Variants in SVEP1 observed in about 807,000 individuals in gnomAD.
SVEP1 encodes sushi, von Willebrand factor type A, EGF and pentraxin domain-containing protein 1.
In SVEP1, 164 loss-of-function variants were observed where a neutral mutation model predicts 367.3. The observed-to-expected ratio is 0.45, with a 90% CI of 0.39 to 0.51. The LOEUF (loss-of-function observed/expected upper bound fraction) is 0.51. Among genes scored for constraint, SVEP1 ranks in the 20% least tolerant of loss-of-function variants. The pLI, the probability that SVEP1 is intolerant of heterozygous loss-of-function variation, is 0.00. For synonymous variants in SVEP1, 1,666 were observed against 1,611.6 expected (o/e 1.03, Z -0.81); for missense variants, 4,117 against 4,425.3 (o/e 0.93, Z 1.98).
chr9:110,451,057 TAC>T (rs1371562399), intron 23 of SVEP1, among the ~76,000 whole-genome samples: 1 of 152,118 alleles, frequency 6.6e-6, no homozygotes, highest in African/African-American at 2.4e-5. Flanking sequence ...ACACACCACA[TAC>T]ACAAATTATT....
chr9:110,400,739 A>G, intron 40 of SVEP1, 115 bp downstream of exon 40: 1 of 1,145,880 alleles, frequency 8.7e-7, no homozygotes, highest in Non-Finnish European at 1.2e-6. Context: ...GGAACAAAGT[A>G]TAATAGAATC....
intron 17 of SVEP1, among the ~76,000 whole-genome samples, chr9:110,467,808 G>T (rs1223350928): frequency 6.6e-6 from 1 of 151,824 alleles, no homozygotes. Flanking sequence ...GCTAATTTTT[G>T]TATTTTTTGT....
chr9:110,526,053 T>TTTAA, intron 3 of SVEP1, among the ~76,000 whole-genome samples: 1 of 152,244 alleles, frequency 6.6e-6, no homozygotes, highest in Middle Eastern at 3.4e-3. Flanking sequence ...ATATCATGGA[T>TTTAA]TTAAGTATAA....
Position 110,406,941 on chromosome 9 carries a change from C to T in SVEP1, c.8659G>A (p.Val2887Met). ...GGCGGGGTGGCACATCTGACAGGCA[C>T]ACAGTCGGGAGTGGCTCCACTCCAA... ...GSWSGATPDC[V>M]PVRCATPPQL... Residue 2887 changes from valine to methionine, a missense_variant, in exon 38 of 48, where the codon GTG becomes ATG. Physicochemically the swap from Val to Met is conservative, Grantham distance 21. Around this residue, in one of 4 missense-constraint regions of SVEP1, gnomAD observed 1,765 missense variants for 1,781.1 expected, o/e 0.99. Transcript: ENST00000374469. The T allele has an allele frequency of 6.2e-7, 1 of 1,613,830 alleles. No individual in the cohort carries two copies. Among genetic ancestry groups the T allele is most frequent in the East Asian group, 2.2e-5 (1 of 44,862 alleles).
chr9:110,451,266 T>A, intron 23 of SVEP1, 23 bp downstream of exon 23: 2 of 1,581,668 alleles, frequency 1.3e-6, no homozygotes, highest in Non-Finnish European at 1.7e-6. Flanking sequence ...TAAGACAACA[T>A]AGGAAGACTG....
chr9:110,525,128 C>T (rs187970530), intron 3 of SVEP1, among the ~76,000 whole-genome samples: 5 of 152,098 alleles, frequency 3.3e-5, no homozygotes, highest in East Asian at 1.9e-4. Context: ...TGAAATAAAA[C>T]GTATTCGGAT....
intron 3 of SVEP1, among the ~76,000 whole-genome samples, chr9:110,518,632 C>T (rs149463468): frequency 7.0e-4 from 107 of 152,132 alleles, no homozygotes; most frequent in African/African-American, 2.4e-3. Context: ...TCATGGTTAT[C>T]GGCTCTCTGA....
At position 110,447,050 on chromosome 9, in the gene SVEP1, A is replaced by G; in HGVS notation, c.4111T>C (p.Cys1371Arg). 1 of 1,495,038 alleles carries G rather than the reference A, an allele frequency of 6.7e-7. No individual in the cohort carries two copies. Among genetic ancestry groups the G allele is most frequent in the Non-Finnish European group, 8.9e-7 (1 of 1,124,332 alleles). 92.6% of individuals were successfully genotyped at this position (1,495,038 alleles called of 1,614,324 possible). ...TGTGATCCTGTGAAGCCAGCTGCAC[A>G]CAGGCATCTGAAAGAAAACAAAATG... Reference protein sequence around the residue: ...KDGANSFRCLCAAGFTGSHCE... With the variant: ...KDGANSFRCLRAAGFTGSHCE... The change falls in exon 25 of 48, where the codon TGT becomes CGT. Residue 1371 changes from cysteine to arginine, a missense_variant. Physicochemically the swap from Cys to Arg is radical, Grantham distance 180. Around this residue, in one of 4 missense-constraint regions of SVEP1, gnomAD observed 2,174 missense variants for 2,494.3 expected, o/e 0.87. Coordinates refer to ENST00000374469, the MANE Select transcript of SVEP1 (RefSeq NM_153366.4).
intron 1 of SVEP1, among the ~76,000 whole-genome samples, chr9:110,564,206 A>G (rs1223347448): frequency 6.6e-6 from 1 of 152,230 alleles, no homozygotes; most frequent in Admixed American, 6.5e-5. Flanking sequence ...TTCTTCCAAA[A>G]GGGCACCAAA....
intron 36 of SVEP1, among the ~76,000 whole-genome samples, chr9:110,416,260 G>T (rs12377273): frequency 0.13 from 20,054 of 151,844 alleles, 1,701 homozygotes; most frequent in South Asian, 0.23. Context: ...TATGAAATAA[G>T]TATGTTGAAA....
At chr9:110,426,820 C>T (rs555864316) in intron 36 of SVEP1, among the ~76,000 whole-genome samples, 92 of 152,188 alleles carry the variant, frequency 6.0e-4, no homozygotes, top group African/African-American at 2.0e-3. Flanking sequence ...GAAAGCCCTT[C>T]GTAATTTGTT....
intron 41 of SVEP1, among the ~76,000 whole-genome samples, chr9:110,388,038 TCATGTAA>T (rs1827553234): frequency 6.6e-6 from 1 of 152,212 alleles, no homozygotes; most frequent in Non-Finnish European, 1.5e-5. Context: ...TGAGATTATC[TCATGTAA>T]CAGTTGGCAA....
chr9:110,573,249 AACATAC>A (rs1830586954), intron 1 of SVEP1, among the ~76,000 whole-genome samples: 1 of 152,140 alleles, frequency 6.6e-6, no homozygotes, highest in Non-Finnish European at 1.5e-5. Flanking sequence ...ACCACTGCAA[AACATAC>A]AAAGGCTATT....
chr9:110,466,577 T>C (rs1461626345), intron 17 of SVEP1, among the ~76,000 whole-genome samples: 5 of 150,538 alleles, frequency 3.3e-5, no homozygotes, highest in Non-Finnish European at 4.4e-5. Flanking sequence ...GCTAAAACGG[T>C]GAAACCCCGT....
At chr9:110,535,485 G>T (rs1830068190) in intron 3 of SVEP1, among the ~76,000 whole-genome samples, 1 of 152,046 alleles carries the variant, frequency 6.6e-6, no homozygotes, top group Admixed American at 6.6e-5. Context: ...TCTTAGGATT[G>T]TCTTGGCTAT....
chr9:110,468,443 T>C (rs181834482), intron 17 of SVEP1, among the ~76,000 whole-genome samples: 6 of 152,322 alleles, frequency 3.9e-5, no homozygotes, highest in Non-Finnish European at 8.8e-5. Context: ...GAGAAAACCA[T>C]AGAAGCAGGA....
At chr9:110,397,682 C>T (rs184587352) in intron 40 of SVEP1, among the ~76,000 whole-genome samples, 270 of 152,242 alleles carry the variant, frequency 1.8e-3, no homozygotes, top group African/African-American at 6.2e-3. Flanking sequence ...AAATCACAAG[C>T]ATTCTTATAC....
At chr9:110,490,402 A>G (rs1829350170) in intron 8 of SVEP1, among the ~76,000 whole-genome samples, 1 of 152,210 alleles carries the variant, frequency 6.6e-6, no homozygotes, top group Admixed American at 6.5e-5. Flanking sequence ...TGGTCACCCT[A>G]CTGATCTATG....
chr9:110,490,505 G>A (rs1829352070), intron 8 of SVEP1, among the ~76,000 whole-genome samples: 2 of 151,784 alleles, frequency 1.3e-5, no homozygotes, highest in Non-Finnish European at 2.9e-5. Context: ...TCTTGGCTTC[G>A]GATAACAACC....
Sources: allele counts gnomAD v4.1 joint callset (sites outside exome capture counted in the v4.1 genomes callset), GRCh38; gene constraint gnomAD v4.1.1; regional missense constraint gnomAD v4.1.1; transcripts MANE v1.5; gene names NCBI Gene and HGNC (gene_info 2026-07-23, HGNC 2026-07-21).